GFRA2: variants seen among roughly 807,000 people sequenced by gnomAD.
GFRA2 encodes the protein GDNF family receptor alpha-2.
Under a neutral mutation model 48.3 loss-of-function variants are expected in GFRA2, and 17 were observed. The observed-to-expected ratio is 0.35, with a 90% CI of 0.24 to 0.53. GFRA2 has a LOEUF of 0.53. Among genes scored for constraint, GFRA2 ranks in the 20% least tolerant of loss-of-function variants. The pLI is 0.93. For missense variants in GFRA2, 660 were observed against 637.3 expected, an observed-to-expected ratio of 1.04 and a Z score of -0.38; for synonymous variants, 305 against 257.2, an observed-to-expected ratio of 1.19 and a Z score of -1.78.
chr8:21,782,999 C>T, intron 1 of GFRA2, 100 bp from the exon 2 acceptor site: 1 of 1,158,582 alleles, frequency 8.6e-7, no homozygotes, highest in Non-Finnish European at 1.2e-6. Flanking sequence ...GAACGTCACA[C>T]CCATTTCGCC....
intron 1 of GFRA2, among the ~76,000 whole-genome samples, chr8:21,805,522 G>A (rs895666981): frequency 6.6e-6 from 1 of 152,180 alleles, no homozygotes; most frequent in Non-Finnish European, 1.5e-5. Flanking sequence ...TAAGAACTAA[G>A]GGGCCTTGGA....
At chr8:21,694,647 G>A (rs947308215) in intron 7 of GFRA2, 130 bp from the exon 8 acceptor site, 12 of 815,688 alleles carry the variant, frequency 1.5e-5, no homozygotes, top group South Asian at 6.2e-5. Context: ...ACACGGTGAA[G>A]AGGGTAGCTC....
intron 4 of GFRA2, among the ~76,000 whole-genome samples, chr8:21,718,399 G>A (rs142312401): frequency 2.7e-3 from 406 of 152,318 alleles, no homozygotes; most frequent in African/African-American, 9.3e-3. Context: ...GAATTGCCCA[G>A]TCTCAGGTAT....
chr8:21,770,938 G>A (rs1806407810), intron 3 of GFRA2, among the ~76,000 whole-genome samples: 1 of 152,106 alleles, frequency 6.6e-6, no homozygotes, highest in Non-Finnish European at 1.5e-5. Context: ...CTGGGATTCG[G>A]CATTCACAGG....
chr8:21,777,317 C>T (rs922470271), intron 2 of GFRA2, among the ~76,000 whole-genome samples: 1 of 136,996 alleles, frequency 7.3e-6, no homozygotes, highest in Non-Finnish European at 1.5e-5. Context: ...GATGGTGCCC[C>T]GGGGTGGTGT....
At chr8:21,795,370 TC>T (rs1297965311) in intron 2 of GFRA2, among the ~76,000 whole-genome samples, 2,864 of 151,400 alleles carry the variant, frequency 0.019, 88 homozygotes, top group African/African-American at 0.066. Flanking sequence ...TTTTCTTTTT[TC>T]TTTTTTCTTT....
intron 2 of GFRA2, among the ~76,000 whole-genome samples, chr8:21,780,335 A>G (rs1806919049): frequency 6.6e-6 from 1 of 151,954 alleles, no homozygotes; most frequent in South Asian, 2.1e-4. Context: ...GCCTCAGCTT[A>G]CCCTAAGGCA....
At position 21,757,356 on chromosome 8, in the gene GFRA2, G is replaced by A. The variant is rs187858011; in HGVS notation, c.440-6414C>T. Reference sequence around the variant, plus strand: ...CCACCCCCAGCAGGCAGGCATATGAGTGCTCTTTAAACTCATATTCTTTAA... The same window carrying A: ...CCACCCCCAGCAGGCAGGCATATGAATGCTCTTTAAACTCATATTCTTTAA... On this transcript the variant is annotated intron_variant, in intron 3 of 8. Transcript: ENST00000524240. Among the ~76,000 whole-genome samples the A allele has an allele frequency of 5.9e-3, 904 of 152,294 alleles. 6 individuals are homozygous for A. The highest frequency in any genetic ancestry group is 0.021 in the African/African-American group (867 of 41,556).
chr8:21,790,185 G>A, upstream of GFRA2: 1 of 784,660 alleles, frequency 1.3e-6, no homozygotes, highest in Non-Finnish European at 1.5e-6. Context: ...CGGCGAGAGC[G>A]GGAGAGGCGC....
chr8:21,733,969 G>A (rs946741931), intron 4 of GFRA2, among the ~76,000 whole-genome samples: 2 of 152,128 alleles, frequency 1.3e-5, no homozygotes, highest in Admixed American at 6.5e-5. Context: ...TGACCTCTGG[G>A]AGGTGGATCC....
intron 1 of GFRA2, among the ~76,000 whole-genome samples, chr8:21,809,209 G>A (rs1350214359): frequency 6.6e-6 from 1 of 152,242 alleles, no homozygotes; most frequent in Non-Finnish European, 1.5e-5. Context: ...GCTGCTGTGG[G>A]AGGAACACTG....
chr8:21,719,428 C>T (rs963235321), intron 4 of GFRA2, among the ~76,000 whole-genome samples: 6 of 150,906 alleles, frequency 4.0e-5, no homozygotes, highest in Non-Finnish European at 8.8e-5. Flanking sequence ...ATGTTCCAAA[C>T]CTCTTATTAC....
intron 5 of GFRA2, 77 bp from the exon 6 acceptor site, chr8:21,705,202 G>A: frequency 1.4e-6 from 2 of 1,453,588 alleles, no homozygotes; most frequent in Non-Finnish European, 1.9e-6. Context: ...CCAACCCCAG[G>A]CACAGCAGGG....
intron 3 of GFRA2, among the ~76,000 whole-genome samples, chr8:21,759,539 AAGG>A (rs1258492025): frequency 2.0e-5 from 3 of 149,022 alleles, no homozygotes; most frequent in Non-Finnish European, 1.5e-5. Context: ...GGAAGGAAGG[AAGG>A]AGGGAAGGAA....
intron 4 of GFRA2, among the ~76,000 whole-genome samples, chr8:21,745,951 T>G (rs781671361): frequency 6.6e-6 from 1 of 152,004 alleles, no homozygotes; most frequent in South Asian, 2.1e-4. Context: ...TAAAATAACC[T>G]CTAGTGGAGA....
intron 2 of GFRA2, among the ~76,000 whole-genome samples, chr8:21,778,947 T>C (rs1806840176): frequency 6.6e-6 from 1 of 151,422 alleles, no homozygotes; most frequent in African/African-American, 2.4e-5. Context: ...ACGCCTATCA[T>C]CCCACCACTT....
At chr8:21,780,482 G>A (rs772827127) in intron 2 of GFRA2, among the ~76,000 whole-genome samples, 115 of 152,054 alleles carry the variant, frequency 7.6e-4, no homozygotes, top group Admixed American at 1.6e-3. Context: ...TGGTCTCCGG[G>A]GTCTGTTACC....
intron 1 of GFRA2, among the ~76,000 whole-genome samples, chr8:21,805,755 T>C (rs1483840657): frequency 6.6e-6 from 1 of 152,166 alleles, no homozygotes; most frequent in Non-Finnish European, 1.5e-5. Context: ...TAGCCATTTC[T>C]CTCCCCAGTC....
chr8:21,768,373 G>T (rs1806281086), intron 3 of GFRA2, among the ~76,000 whole-genome samples: 1 of 152,206 alleles, frequency 6.6e-6, no homozygotes, highest in Admixed American at 6.5e-5. Context: ...AAGGGGGCAG[G>T]GAGAGCTGCT....
Sources: allele counts gnomAD v4.1 joint callset (sites outside exome capture counted in the v4.1 genomes callset), GRCh38; gene constraint gnomAD v4.1.1; transcripts MANE v1.5; gene names NCBI Gene and HGNC (gene_info 2026-07-23, HGNC 2026-07-21).